The following TDRD9 variants were observed in gnomAD, a reference collection of about 807,000 sequenced individuals.
TDRD9 encodes ATP-dependent RNA helicase TDRD9.
TDRD9 carries 124 observed loss-of-function variants against 172.6 expected under a neutral mutation model. The observed-to-expected ratio is 0.72, with a 90% CI of 0.62 to 0.83. TDRD9 has a LOEUF of 0.83. Ranked by LOEUF, TDRD9 falls within the 40% of genes least tolerant of loss-of-function variation. The probability of loss-of-function intolerance (pLI) is 0.00; values close to 1 mark genes in which losing one functional copy is unlikely to be tolerated. For missense variants in TDRD9, 1,479 were observed against 1,714.1 expected (o/e 0.86, Z 2.42); for synonymous variants, 619 against 617.1 (o/e 1.00, Z -0.05).
At position 103,994,366 on chromosome 14, in the gene TDRD9, C is replaced by T; in HGVS notation, c.1215C>T (p.Leu405=). The part of the protein sequence containing the change: ...LGEINYMHEL[L]TSLVHKRLQV... ...AAATAAATTATATGCATGAACTTCTCACAAGCCTGGTTCATAAAAGGTATG... is the reference window on the plus strand; with the variant it reads ...AAATAAATTATATGCATGAACTTCTTACAAGCCTGGTTCATAAAAGGTATG... The change falls in exon 10 of 36, where the codon CTC becomes CTT. Residue 405 remains leucine (L), a synonymous_variant. Coordinates refer to ENST00000409874, the MANE Select transcript of TDRD9 (RefSeq NM_153046.3). 1.2e-6 allele frequency: 2 copies of T among 1,613,702 alleles called. No homozygotes were observed. The highest frequency in any genetic ancestry group is 1.1e-5 in the South Asian group (1 of 91,070).
At position 104,008,483 on chromosome 14, in the gene TDRD9, G is replaced by T; in HGVS notation, c.2106+17G>T. Reference sequence around the variant, plus strand: ...ATTAGAGAGGTAAGTTAAGTTTTTTGACCAAATGGATGCAAATAAAGTTGA... The same window carrying T: ...ATTAGAGAGGTAAGTTAAGTTTTTTTACCAAATGGATGCAAATAAAGTTGA... On this transcript the variant is annotated intron_variant, in intron 20 of 35. Coordinates refer to ENST00000409874, the MANE Select transcript of TDRD9 (RefSeq NM_153046.3). 3 of 1,490,368 alleles carry T rather than the reference G, an allele frequency of 2.0e-6. No homozygotes were observed. In the South Asian group the frequency reaches 3.5e-5, roughly 17 times the overall value. The allele number at this position is 1,490,368 out of a possible 1,614,324, so 92.3% of individuals were successfully genotyped here.
rs772789013 is a variant in TDRD9, at chr14:104,006,802, G to A, written c.1964G>A (p.Gly655Asp). 2 of 1,613,496 alleles carry A rather than the reference G, an allele frequency of 1.2e-6. No individual in the cohort carries two copies. Among genetic ancestry groups the A allele is most frequent in the South Asian group, 2.2e-5 (2 of 90,964 alleles). The change falls in exon 18 of 36, where the codon GGC (glycine) becomes GAC (aspartate). Residue 655 changes from glycine (G) to aspartate (D), a missense_variant. Gly to Asp is a moderately conservative substitution (Grantham distance 94, BLOSUM62 -1). Around this residue, in one of 3 missense-constraint regions of TDRD9, gnomAD observed 1,413 missense variants for 1,649.1 expected, o/e 0.86. Coordinates refer to ENST00000409874, the MANE Select transcript of TDRD9 (RefSeq NM_153046.3). ...TATAGGAACAAAGTGAATTTCTCTGGCAGTAGCAAGAGTGACTGTATTGCA... is the reference window on the plus strand; with the variant it reads ...TATAGGAACAAAGTGAATTTCTCTGACAGTAGCAAGAGTGACTGTATTGCA... Reference protein sequence around the residue: ...DGYRNKVNFSGSSKSDCIALV... With the variant: ...DGYRNKVNFSDSSKSDCIALV...
At chr14:104,042,306 C>A in intron 34 of TDRD9, 119 bp downstream of exon 34, 1 of 705,724 alleles carries the variant, frequency 1.4e-6, no homozygotes, top group Non-Finnish European at 2.5e-6. Flanking sequence ...AAGTGGAGTG[C>A]CAGTGCTGGA....
chr14:104,007,083 G>A (rs1399366421), intron 18 of TDRD9, 77 bp from the exon 19 acceptor site: 3 of 1,367,012 alleles, frequency 2.2e-6, no homozygotes, highest in Non-Finnish European at 3.0e-6. Context: ...TAAATTTTCA[G>A]GTTTGTTGAA....
Position 104,052,292 on chromosome 14 carries a change from T to TC in TDRD9, c.*210_*211insC. 1 of 369,838 alleles carries TC rather than the reference T, an allele frequency of 2.7e-6. No individual in the cohort carries two copies. Among genetic ancestry groups the TC allele is most frequent in the South Asian group, 5.5e-5 (1 of 18,224 alleles). 22.9% of individuals were successfully genotyped at this position (369,838 alleles called of 1,614,324 possible). On this transcript the variant is annotated 3_prime_UTR_variant, in exon 36 of 36. Transcript: ENST00000409874. The stretch of plus-strand genomic sequence containing the variant: ...GTGGGAAGGATTGGAAACTCTAGTC[T>TC]TTTCTAGAAACAGAAAATCACTGTA...
intron 15 of TDRD9, 63 bp from the exon 16 acceptor site, chr14:104,006,326 C>CTTA (rs1373606389): frequency 7.0e-7 from 1 of 1,431,716 alleles, no homozygotes; most frequent in African/African-American, 1.4e-5. Context: ...GACTCTCCAC[C>CTTA]TTAAGGGGAA....
intron 1 of TDRD9, among the ~76,000 whole-genome samples, chr14:103,943,037 C>T (rs1341886302): frequency 1.3e-5 from 2 of 151,158 alleles, no homozygotes; most frequent in South Asian, 2.1e-4. Context: ...AAATCATTTT[C>T]GTGTTTTTTT....
intron 28 of TDRD9, among the ~76,000 whole-genome samples, chr14:104,027,391 A>G (rs947482502): frequency 5.3e-5 from 8 of 152,080 alleles, no homozygotes; most frequent in South Asian, 2.1e-4. Flanking sequence ...AAAATGTTCT[A>G]TATATGTGGG....
At chr14:104,049,097 G>GGTATGTAT (rs199759056) in intron 34 of TDRD9, among the ~76,000 whole-genome samples, 1 of 147,680 alleles carries the variant, frequency 6.8e-6, no homozygotes, top group African/African-American at 2.5e-5. Context: ...GGTTGTTGTT[G>GGTATGTAT]GTATGTATGT....
intron 34 of TDRD9, among the ~76,000 whole-genome samples, chr14:104,048,958 G>A (rs187073042): frequency 6.6e-6 from 1 of 152,176 alleles, no homozygotes; most frequent in African/African-American, 2.4e-5. Flanking sequence ...GGGTGGGAGC[G>A]GCTCCCTACC....
chr14:104,043,687 CTG>C (rs2035676961), intron 34 of TDRD9, among the ~76,000 whole-genome samples: 1 of 152,196 alleles, frequency 6.6e-6, no homozygotes, highest in African/African-American at 2.4e-5. Flanking sequence ...ACAAGGGTAA[CTG>C]TATCCTGCCT....
intron 21 of TDRD9, among the ~76,000 whole-genome samples, chr14:104,015,768 G>A (rs1195260324): frequency 6.6e-6 from 1 of 152,082 alleles, no homozygotes; most frequent in African/African-American, 2.4e-5. Context: ...TCTGTTAGGT[G>A]AAAAAAGTGT....
rs150996816 is a variant in TDRD9 at position 103,958,514 on chromosome 14, A to C, written c.322+2744A>C. 1.5e-3 allele frequency among the ~76,000 whole-genome samples: 230 copies of C among 152,330 alleles called. No homozygotes were observed. In the Middle Eastern group the frequency reaches 0.017, roughly 11 times the overall value. On this transcript the variant is annotated intron_variant, in intron 2 of 35. Transcript: ENST00000409874. Reference sequence around the variant, plus strand: ...ATGGTAAAGGGGTCTTTGCAGATGCAAATTAAGGATCTTGAGATGGGAAGA... The same window carrying C: ...ATGGTAAAGGGGTCTTTGCAGATGCCAATTAAGGATCTTGAGATGGGAAGA...
chr14:104,051,847 T>C, intron 35 of TDRD9, 134 bp from the exon 36 acceptor site: 1 of 569,742 alleles, frequency 1.8e-6, no homozygotes. Context: ...AGTGTGAGAG[T>C]AGAGAAGTGT....
At chr14:103,986,411 G>T in intron 8 of TDRD9, 91 bp downstream of exon 8, 4 of 931,312 alleles carry the variant, frequency 4.3e-6, no homozygotes, top group South Asian at 3.4e-5. Context: ...TTTATAAGAA[G>T]GTATAACTAT....
rs1207422304 is a variant in TDRD9 at position 103,994,534 on chromosome 14, A to T, written c.1251A>T (p.Pro417=). The change falls in exon 11 of 36, where the codon CCA becomes CCT. Residue 417 remains proline (P), a synonymous_variant. Transcript: ENST00000409874. ...AATTTCTTAGGTTGCAGGTCTATCC[A>T]CTCCATTCAAGTGTGGCTTTAGAAG... ...SLVHKRLQVY[P]LHSSVALEEQ... is the part of the protein sequence containing the mutation. 6.2e-7 allele frequency: 1 copy of T among 1,613,652 alleles called. No individual in the cohort carries two copies. The highest frequency in any genetic ancestry group is 8.5e-7 in the Non-Finnish European group (1 of 1,179,820).
intron 24 of TDRD9, among the ~76,000 whole-genome samples, chr14:104,023,826 A>G (rs2035035779): frequency 6.6e-6 from 1 of 152,216 alleles, no homozygotes; most frequent in African/African-American, 2.4e-5. Flanking sequence ...TAGTGGGTTC[A>G]GTCCTTCATG....
At chr14:104,017,541 C>G (rs945696205) in intron 22 of TDRD9, among the ~76,000 whole-genome samples, 18 of 152,346 alleles carry the variant, frequency 1.2e-4, no homozygotes, top group African/African-American at 4.3e-4. Context: ...TGTCACGGAG[C>G]CCCGTGCAGA....
chr14:103,972,655 A>T (rs909878375), intron 6 of TDRD9, among the ~76,000 whole-genome samples: 4 of 152,238 alleles, frequency 2.6e-5, no homozygotes, highest in African/African-American at 9.6e-5. Context: ...TTATTCTATG[A>T]TGGGGCTGCT....
Sources: allele counts gnomAD v4.1 joint callset (sites outside exome capture counted in the v4.1 genomes callset), GRCh38; gene constraint gnomAD v4.1.1; regional missense constraint gnomAD v4.1.1; transcripts MANE v1.5; gene names NCBI Gene and HGNC (gene_info 2026-07-23, HGNC 2026-07-21).